The following ALDH1A2 variants were observed in gnomAD, a reference collection of about 807,000 sequenced individuals.
The protein encoded by ALDH1A2 is aldehyde dehydrogenase 1 family member A2, also known as retinal dehydrogenase 2.
In ALDH1A2, 27 loss-of-function variants were observed where a neutral mutation model predicts 60.3. The ratio of observed to expected loss-of-function variants is 0.45; its 90% CI spans 0.33 to 0.62. The LOEUF is 0.62. Ranked by LOEUF, ALDH1A2 falls within the 20% of genes least tolerant of loss-of-function variation. The probability of loss-of-function intolerance (pLI) is 0.02; values close to 1 mark genes in which losing one functional copy is unlikely to be tolerated. For synonymous variants in ALDH1A2, 289 were observed against 232.4 expected (o/e 1.24, Z -2.21); for missense variants, 581 against 643.8 (o/e 0.90, Z 1.06).
At chr15:57,961,738 G>A (rs1893727656) in intron 10 of ALDH1A2, among the ~76,000 whole-genome samples, 1 of 152,200 alleles carries the variant, frequency 6.6e-6, no homozygotes, top group African/African-American at 2.4e-5. Context: ...TATTGCCAGT[G>A]TATTGTTGAG....
At chr15:58,000,016 G>A (rs565510593) in intron 4 of ALDH1A2, among the ~76,000 whole-genome samples, 1 of 151,886 alleles carries the variant, frequency 6.6e-6, no homozygotes, top group East Asian at 1.9e-4. Flanking sequence ...AACACACATG[G>A]ACACAGGAAG....
chr15:57,962,407 T>C (rs988092929), intron 9 of ALDH1A2, among the ~76,000 whole-genome samples: 1 of 152,216 alleles, frequency 6.6e-6, no homozygotes, highest in African/African-American at 2.4e-5. Context: ...TCTGATGATA[T>C]TGCCTAATCA....
intron 4 of ALDH1A2, among the ~76,000 whole-genome samples, chr15:58,008,330 G>A (rs1382697749): frequency 2.6e-5 from 4 of 151,962 alleles, no homozygotes; most frequent in Non-Finnish European, 5.9e-5. Context: ...AGTAAAGTGG[G>A]GAAAGACTAC....
At chr15:57,984,052 G>A (rs1288728249) in intron 7 of ALDH1A2, among the ~76,000 whole-genome samples, 3 of 152,178 alleles carry the variant, frequency 2.0e-5, no homozygotes, top group Non-Finnish European at 4.4e-5. Flanking sequence ...CCATTAATAT[G>A]TCATTCCGAA....
chr15:58,002,988 T>G (rs1195391385), intron 4 of ALDH1A2, among the ~76,000 whole-genome samples: 1 of 151,856 alleles, frequency 6.6e-6, no homozygotes, highest in Admixed American at 6.6e-5. Flanking sequence ...TAGTATGAAG[T>G]GTACTGATGC....
At chr15:58,015,272 G>A (rs556559732) in intron 1 of ALDH1A2, among the ~76,000 whole-genome samples, 1 of 151,956 alleles carries the variant, frequency 6.6e-6, no homozygotes, top group East Asian at 1.9e-4. Flanking sequence ...CAGAGATGAG[G>A]CTTAATAAAT....
At chr15:57,963,836 T>C (rs1893806639) in intron 9 of ALDH1A2, 49 bp downstream of exon 9, 1 of 1,600,648 alleles carries the variant, frequency 6.2e-7, no homozygotes, top group African/African-American at 1.3e-5. Context: ...CACAGTTCTG[T>C]GCCAGTCAAG....
chr15:58,006,187 C>T (rs1343845462), intron 4 of ALDH1A2, among the ~76,000 whole-genome samples: 1 of 151,846 alleles, frequency 6.6e-6, no homozygotes, highest in Non-Finnish European at 1.5e-5. Context: ...TCCCATCCTT[C>T]CCCAAAGTCC....
intron 3 of ALDH1A2, among the ~76,000 whole-genome samples, chr15:58,012,858 A>C (rs1895673746): frequency 6.6e-6 from 1 of 152,190 alleles, no homozygotes; most frequent in Non-Finnish European, 1.5e-5. Flanking sequence ...AGTAGGGGAA[A>C]GGATATAGTA....
intron 1 of ALDH1A2, among the ~76,000 whole-genome samples, chr15:58,021,360 C>T (rs1595671988): frequency 6.6e-6 from 1 of 151,712 alleles, no homozygotes; most frequent in Middle Eastern, 3.4e-3. Context: ...GGACAGGAAG[C>T]ACCAAAAGTA....
intron 7 of ALDH1A2, among the ~76,000 whole-genome samples, chr15:57,984,633 T>C (rs1211701779): frequency 6.6e-6 from 1 of 152,226 alleles, no homozygotes; most frequent in Non-Finnish European, 1.5e-5. Flanking sequence ...TGTAACTGGA[T>C]TCTTTCATTT....
intron 7 of ALDH1A2, among the ~76,000 whole-genome samples, chr15:57,973,749 T>C (rs1266895622): frequency 6.6e-6 from 1 of 152,192 alleles, no homozygotes; most frequent in African/African-American, 2.4e-5. Flanking sequence ...AACTAAGAGA[T>C]AACCTAGAAG....
intron 1 of ALDH1A2, among the ~76,000 whole-genome samples, chr15:58,043,944 GATAA>G (rs1896578397): frequency 6.6e-6 from 1 of 151,970 alleles, no homozygotes. Flanking sequence ...CCAAGTGTTA[GATAA>G]ATAAACTTGT....
chr15:57,988,003 G>C (rs1175449382), intron 7 of ALDH1A2, among the ~76,000 whole-genome samples: 8 of 151,992 alleles, frequency 5.3e-5, no homozygotes. Flanking sequence ...TTACAGATAA[G>C]GAAAATTATG....
chr15:58,015,014 C>G (rs181480713), intron 1 of ALDH1A2, among the ~76,000 whole-genome samples: 1 of 152,058 alleles, frequency 6.6e-6, no homozygotes, highest in Non-Finnish European at 1.5e-5. Context: ...CAATTTCTCA[C>G]AAGATTTGTA....
intron 1 of ALDH1A2, among the ~76,000 whole-genome samples, chr15:58,016,137 A>AT (rs532101226): frequency 0.094 from 12,684 of 134,390 alleles, 613 homozygotes; most frequent in Middle Eastern, 0.15. Context: ...ACTGATCCTA[A>AT]TTTTTTTTTT....
Position 58,017,276 on chromosome 15 carries a change from T to C in ALDH1A2, c.118-2995A>G, listed in dbSNP as rs191710160. On this transcript the variant is annotated intron_variant, in intron 1 of 12. Coordinates refer to ENST00000249750, the MANE Select transcript of ALDH1A2 (RefSeq NM_003888.4). ...GACATATGACAATTATTTTATCTTT[T>C]ATAGTATTTGTTGATAAAATTTACT... is the stretch of plus-strand genomic sequence containing the variant. Among the ~76,000 whole-genome samples the C allele has an allele frequency of 1.6e-3, 249 of 152,332 alleles. 1 individual carries two copies. The highest frequency in any genetic ancestry group is 0.011 in the Admixed American group (163 of 15,304).
intron 1 of ALDH1A2, among the ~76,000 whole-genome samples, chr15:58,025,940 C>T (rs1427333925): frequency 1.3e-5 from 2 of 152,236 alleles, no homozygotes; most frequent in East Asian, 3.9e-4. Flanking sequence ...CAAGCCACTA[C>T]TGACAGATCC....
chr15:58,024,246 G>A (rs1472778949), intron 1 of ALDH1A2, among the ~76,000 whole-genome samples: 2 of 151,864 alleles, frequency 1.3e-5, no homozygotes, highest in African/African-American at 4.8e-5. Flanking sequence ...AAGAGGCAAA[G>A]AATATATAAA....
Sources: gnomAD v4.1 joint callset for allele counts (sites outside exome capture counted in the v4.1 genomes callset) on GRCh38, gnomAD v4.1.1 for gene constraint, MANE v1.5 for transcripts, NCBI Gene and HGNC (gene_info 2026-07-23, HGNC 2026-07-21) for gene names.